Variants in PSMA1 observed in about 807,000 individuals in gnomAD.
The protein encoded by PSMA1 is proteasome subunit alpha type-1.
Under a neutral mutation model 38.4 loss-of-function variants are expected in PSMA1, and 3 were observed. The observed-to-expected ratio is 0.08, with a 90% CI of 0.04 to 0.20. The LOEUF (loss-of-function observed/expected upper bound fraction) is 0.20, where lower values mean the gene tolerates loss of function less well. PSMA1 is among the 10% of genes least tolerant of loss of function. The probability of loss-of-function intolerance (pLI) is 1.00; values close to 1 mark genes in which losing one functional copy is unlikely to be tolerated. For synonymous variants in PSMA1, 101 were observed against 107.1 expected (o/e 0.94, Z 0.35); for missense variants, 227 against 325.3 (o/e 0.70, Z 2.32).
At chr11:14,548,007 C>G (rs944956370) in intron 2 of PSMA1, among the ~76,000 whole-genome samples, 1 of 151,178 alleles carries the variant, frequency 6.6e-6, no homozygotes, top group Admixed American at 6.6e-5. Flanking sequence ...CCTGAGAGAT[C>G]ACTATATACA....
Position 14,531,559 on chromosome 11 carries a change from T to C in PSMA1, c.22-12518A>G, listed in dbSNP as rs577095379. Among the ~76,000 whole-genome samples the C allele has an allele frequency of 1.1e-4, 17 of 152,212 alleles. No individual in the cohort carries two copies. The East Asian group carries it at 1.7e-3, about 16-fold the overall frequency. ...CTCACCGTAGCCTCGACCTCCTGGG[T>C]TCAAGTGATCCCTCTACCTCAGCCT... On this transcript the variant is annotated intron_variant, in intron 2 of 10. Coordinates refer to the PSMA1 transcript ENST00000418988.
intron 4 of PSMA1, among the ~76,000 whole-genome samples, chr11:14,515,484 A>G (rs1040381659): frequency 6.6e-6 from 1 of 152,174 alleles, no homozygotes; most frequent in East Asian, 1.9e-4. Context: ...TTTGAAGAGT[A>G]GGTGGAAACC....
chr11:14,597,232 T>C lies in PSMA1; in HGVS notation c.21+13734A>G, dbSNP rs181473944. On this transcript the variant is annotated intron_variant, in intron 2 of 10. Coordinates refer to the PSMA1 transcript ENST00000418988. ...TTTTTTGTTGTGTCTGTGCCACGCTTTGGTATCAAGATGATGTTGGCCTCA... is the reference window on the plus strand; with the variant it reads ...TTTTTTGTTGTGTCTGTGCCACGCTCTGGTATCAAGATGATGTTGGCCTCA... Among the ~76,000 whole-genome samples, 126 of 152,332 alleles carry C rather than the reference T, an allele frequency of 8.3e-4. 1 individual carries two copies. Among genetic ancestry groups the C allele is most frequent in the Non-Finnish European group, 3.5e-4 (24 of 68,028 alleles).
At chr11:14,597,102 A>T (rs907868923) in intron 2 of PSMA1, among the ~76,000 whole-genome samples, 4 of 152,140 alleles carry the variant, frequency 2.6e-5, no homozygotes, top group African/African-American at 9.7e-5. Context: ...AGCCAACTTG[A>T]TCATGGTGGA....
intron 2 of PSMA1, among the ~76,000 whole-genome samples, chr11:14,602,241 A>G (rs1358328065): frequency 6.6e-6 from 1 of 152,222 alleles, no homozygotes; most frequent in Non-Finnish European, 1.5e-5. Flanking sequence ...CGTTTCCCAG[A>G]ACTAGACACC....
At chr11:14,603,796 A>G (rs1852612686) in intron 2 of PSMA1, among the ~76,000 whole-genome samples, 1 of 152,248 alleles carries the variant, frequency 6.6e-6, no homozygotes, top group African/African-American at 2.4e-5. Context: ...AAATGTAGTG[A>G]CAGGGAAAAC....
rs375514650 is a variant in PSMA1 at position 14,557,128 on chromosome 11, C to T, written c.22-38087G>A. Among the ~76,000 whole-genome samples, 4 of 152,234 alleles carry T rather than the reference C, an allele frequency of 2.6e-5. No homozygotes were observed. The East Asian group carries it at 7.7e-4, about 29-fold the overall frequency. ...GGGAATCCAGGCATAAGCGACTGCA[C>T]CCTGCTCATTCTTTCTAGAACTCCT... On this transcript the variant is annotated intron_variant, in intron 2 of 10. Transcript: ENST00000418988.
intron 1 of PSMA1, among the ~76,000 whole-genome samples, chr11:14,622,504 T>C (rs1337887531): frequency 6.6e-6 from 1 of 152,152 alleles, no homozygotes; most frequent in Non-Finnish European, 1.5e-5. Context: ...TTCCAGAGGG[T>C]TGGAAATAAA....
chr11:14,507,643 T>C lies in PSMA1; in HGVS notation c.735+13A>G, dbSNP rs771079552. 6.5e-7 allele frequency: 1 copy of C among 1,537,356 alleles called. No homozygotes were observed. Among genetic ancestry groups the C allele is most frequent in the Non-Finnish European group, 9.0e-7 (1 of 1,112,264 alleles). ...ACAATAGAACTAAAGCCTCTTGTGT[T>C]ATGATTATATACCTGTGCCTTTCTC... On this transcript the variant is annotated intron_variant, in intron 9 of 9. Coordinates refer to ENST00000396394, the MANE Select transcript of PSMA1 (RefSeq NM_002786.4).
chr11:14,552,202 A>C (rs1275720140), intron 2 of PSMA1, among the ~76,000 whole-genome samples: 1 of 152,218 alleles, frequency 6.6e-6, no homozygotes, highest in East Asian at 1.9e-4. Context: ...TGGAGTGCCC[A>C]TGGAGGCTGG....
In PSMA1 at chr11:14,588,197, T is replaced by A. The variant is rs184872824; in HGVS notation, c.21+22769A>T. Among the ~76,000 whole-genome samples the A allele has an allele frequency of 7.1e-4, 108 of 152,256 alleles. 1 individual carries two copies. The Middle Eastern group carries it at 0.01, about 14-fold the overall frequency. ...CTGCCTGGGAATATCAGGAAAAACT[T>A]CAGAAAGGAATAGGCGCTCTGCTGG... On this transcript the variant is annotated intron_variant, in intron 2 of 10. Coordinates refer to the PSMA1 transcript ENST00000418988.
At chr11:14,617,904 G>C (rs536155944) in intron 1 of PSMA1, among the ~76,000 whole-genome samples, 2 of 152,178 alleles carry the variant, frequency 1.3e-5, no homozygotes, top group Non-Finnish European at 2.9e-5. Context: ...GAGGACATGG[G>C]CTTTGGTGTC....
At chr11:14,638,545 CTATATATATATATATATATA>C (rs1243564648) in intron 1 of PSMA1, among the ~76,000 whole-genome samples, 23 of 15,958 alleles carry the variant, frequency 1.4e-3, no homozygotes, top group East Asian at 3.2e-3. Context: ...CTCTCTCTCT[CTATATATATATATATATATA>C]TATATATATA....
chr11:14,519,864 C>T (rs1039448893), intron 1 of PSMA1: 9 of 180,704 alleles, frequency 5.0e-5, no homozygotes, highest in Admixed American at 4.1e-4. Flanking sequence ...GATAAATAGA[C>T]GGACCCACCA....
chr11:14,530,042 G>A (rs960987972), intron 2 of PSMA1, among the ~76,000 whole-genome samples: 4 of 152,150 alleles, frequency 2.6e-5, no homozygotes, highest in Non-Finnish European at 4.4e-5. Context: ...TAGAATAGGC[G>A]AATACAGTGC....
intron 2 of PSMA1, among the ~76,000 whole-genome samples, chr11:14,578,169 C>A (rs1435720703): frequency 1.3e-5 from 2 of 151,990 alleles, no homozygotes; most frequent in African/African-American, 4.8e-5. Context: ...CAAGTGTATA[C>A]CTTTGTAACA....
At chr11:14,588,778 C>G (rs1291943227) in intron 2 of PSMA1, among the ~76,000 whole-genome samples, 1 of 152,044 alleles carries the variant, frequency 6.6e-6, no homozygotes, top group Non-Finnish European at 1.5e-5. Context: ...GTGATCTGAC[C>G]CAGAAAGTTC....
chr11:14,517,847 T>A (rs745653608), intron 3 of PSMA1, 33 bp downstream of exon 3: 1 of 1,546,212 alleles, frequency 6.5e-7, no homozygotes, highest in Non-Finnish European at 8.8e-7. Flanking sequence ...CATTGTTTTC[T>A]ACAGAGGAAG....
intron 1 of PSMA1, among the ~76,000 whole-genome samples, chr11:14,620,772 C>G (rs1412218345): frequency 1.3e-5 from 2 of 152,170 alleles, no homozygotes; most frequent in Non-Finnish European, 2.9e-5. Context: ...CAACCCACTT[C>G]CTAGCTTTCT....
Sources: allele counts gnomAD v4.1 joint callset (sites outside exome capture counted in the v4.1 genomes callset), GRCh38; gene constraint gnomAD v4.1.1; transcripts MANE v1.5; gene names NCBI Gene and HGNC (gene_info 2026-07-23, HGNC 2026-07-21).